GPR158: variants seen among roughly 807,000 people sequenced by gnomAD.
GPR158 encodes metabotropic glycine receptor.
Under a neutral mutation model 78.2 loss-of-function variants are expected in GPR158, and 30 were observed. That is an observed-to-expected ratio of 0.38 (90% confidence interval 0.29 to 0.52). The LOEUF (loss-of-function observed/expected upper bound fraction) is 0.52, where lower values mean the gene tolerates loss of function less well. Ranked by LOEUF, GPR158 falls within the 20% of genes least tolerant of loss-of-function variation. The pLI, the probability that GPR158 is intolerant of heterozygous loss-of-function variation, is 0.83. For missense variants in GPR158, 1,463 were observed against 1,523.5 expected (o/e 0.96, Z 0.66); for synonymous variants, 581 against 591.1 (o/e 0.98, Z 0.25).
chr10:25,416,688 T>A (rs1754278), intron 4 of GPR158, among the ~76,000 whole-genome samples: 125,088 of 152,096 alleles, frequency 0.82, 52,569 homozygotes, highest in African/African-American at 0.91. Context: ...ATTTAGCAAG[T>A]TGAAAAACAG....
chr10:25,362,031 G>C (rs1855648352), intron 2 of GPR158, among the ~76,000 whole-genome samples: 1 of 151,822 alleles, frequency 6.6e-6, no homozygotes. Flanking sequence ...TTGGTTTCCT[G>C]TTAAAGAAAT....
intron 2 of GPR158, among the ~76,000 whole-genome samples, chr10:25,285,604 C>G (rs781760277): frequency 6.6e-6 from 1 of 152,056 alleles, no homozygotes; most frequent in African/African-American, 2.4e-5. Context: ...ACACATTTGC[C>G]CTTCCTTTGT....
At chr10:25,253,068 C>T (rs1268242589) in intron 2 of GPR158, among the ~76,000 whole-genome samples, 1 of 151,460 alleles carries the variant, frequency 6.6e-6, no homozygotes, top group East Asian at 1.9e-4. Context: ...GTGGGAGTGA[C>T]CCGATTTTCC....
At chr10:25,233,542 G>T (rs969369632) in intron 2 of GPR158, among the ~76,000 whole-genome samples, 1 of 152,166 alleles carries the variant, frequency 6.6e-6, no homozygotes, top group East Asian at 1.9e-4. Context: ...GAATTTATAG[G>T]TGTACAAACT....
intron 1 of GPR158, among the ~76,000 whole-genome samples, chr10:25,179,028 A>AG (rs1037409968): frequency 6.6e-6 from 1 of 152,222 alleles, no homozygotes; most frequent in African/African-American, 2.4e-5. Context: ...CAACCAAAAA[A>AG]ATTAGCCCAT....
intron 4 of GPR158, among the ~76,000 whole-genome samples, chr10:25,431,676 G>A (rs538048007): frequency 5.8e-4 from 87 of 150,320 alleles, no homozygotes; most frequent in African/African-American, 2.1e-3. Context: ...ATACTATGCA[G>A]CCATAAAAAA....
chr10:25,470,168 C>T (rs1000270562), intron 5 of GPR158, among the ~76,000 whole-genome samples: 3 of 111,674 alleles, frequency 2.7e-5, no homozygotes, highest in South Asian at 2.7e-4. Context: ...ATTCAGGTCT[C>T]GAATTAATTT....
intron 1 of GPR158, among the ~76,000 whole-genome samples, chr10:25,219,337 C>G (rs1021865364): frequency 2.0e-5 from 3 of 152,060 alleles, no homozygotes; most frequent in Non-Finnish European, 4.4e-5. Flanking sequence ...TATGCACATA[C>G]CAGACGATAA....
chr10:25,252,639 C>A (rs958617079), intron 2 of GPR158, among the ~76,000 whole-genome samples: 1 of 152,122 alleles, frequency 6.6e-6, no homozygotes, highest in African/African-American at 2.4e-5. Flanking sequence ...GGTCAGGGGT[C>A]AGGGACCCAC....
chr10:25,284,293 A>G (rs1181951627), intron 2 of GPR158, among the ~76,000 whole-genome samples: 1 of 151,914 alleles, frequency 6.6e-6, no homozygotes, highest in Non-Finnish European at 1.5e-5. Flanking sequence ...TGATATTTTG[A>G]AGCTCTGGTG....
chr10:25,390,917 G>A (rs1369748771), intron 2 of GPR158, among the ~76,000 whole-genome samples: 1 of 152,142 alleles, frequency 6.6e-6, no homozygotes, highest in East Asian at 1.9e-4. Context: ...ATGGTTTCGT[G>A]GGCTGGCTCC....
intron 1 of GPR158, among the ~76,000 whole-genome samples, chr10:25,178,538 C>T (rs970836964): frequency 6.6e-6 from 1 of 152,218 alleles, no homozygotes; most frequent in Non-Finnish European, 1.5e-5. Flanking sequence ...GGCTCAGACA[C>T]TCCCTGTTTT....
chr10:25,195,823 G>C (rs117682437), intron 1 of GPR158, among the ~76,000 whole-genome samples: 3,214 of 152,056 alleles, frequency 0.021, 37 homozygotes, highest in Middle Eastern at 0.037. Flanking sequence ...TCTTCTAACT[G>C]TTAGTCAGAA....
intron 5 of GPR158, among the ~76,000 whole-genome samples, chr10:25,542,638 C>T (rs1836602201): frequency 6.6e-6 from 1 of 151,990 alleles, no homozygotes; most frequent in African/African-American, 2.4e-5. Context: ...GCCTGGCCAA[C>T]ATGGTGAAAC....
intron 1 of GPR158, among the ~76,000 whole-genome samples, chr10:25,210,873 C>T (rs1853119930): frequency 6.6e-6 from 1 of 152,170 alleles, no homozygotes; most frequent in African/African-American, 2.4e-5. Context: ...GTGGCTCACA[C>T]CTGTAATCCC....
intron 2 of GPR158, among the ~76,000 whole-genome samples, chr10:25,321,239 G>C (rs1387939470): frequency 5.3e-5 from 8 of 152,124 alleles, no homozygotes; most frequent in Non-Finnish European, 1.2e-4. Flanking sequence ...TGTGAAACTG[G>C]ACAGTACTGA....
chr10:25,575,561 TC>T (rs1450207336), intron 7 of GPR158, among the ~76,000 whole-genome samples: 3 of 152,156 alleles, frequency 2.0e-5, no homozygotes, highest in Non-Finnish European at 2.9e-5. Context: ...TCGTAAGTGT[TC>T]CAGGTGATTC....
chr10:25,345,983 A>G (rs917887067), intron 2 of GPR158, among the ~76,000 whole-genome samples: 4 of 152,012 alleles, frequency 2.6e-5, no homozygotes, highest in Non-Finnish European at 4.4e-5. Context: ...CTTCTTGAGC[A>G]TGAGGAGCAG....
chr10:25,447,684 CATG>C (rs35809746), intron 4 of GPR158, among the ~76,000 whole-genome samples: 8,953 of 152,258 alleles, frequency 0.059, 568 homozygotes, highest in African/African-American at 0.16. Flanking sequence ...ATCCCTCTTT[CATG>C]ATAAGTCTTG....
Sources: allele counts gnomAD v4.1 joint callset (sites outside exome capture counted in the v4.1 genomes callset), GRCh38; gene constraint gnomAD v4.1.1; transcripts MANE v1.5; gene names NCBI Gene and HGNC (gene_info 2026-07-23, HGNC 2026-07-21).